The following SPATA3 variants were observed in gnomAD, a reference collection of about 807,000 sequenced individuals.
SPATA3 encodes spermatogenesis associated 3.
Under a neutral mutation model 5.7 loss-of-function variants are expected in SPATA3, and 6 were observed. The ratio of observed to expected loss-of-function variants is 1.06; its 90% CI spans 0.58 to 2.09. The LOEUF (loss-of-function observed/expected upper bound fraction) is 2.09. Among genes scored for constraint, SPATA3 ranks in the 30% most tolerant of loss-of-function variants. The pLI, the probability that SPATA3 is intolerant of heterozygous loss-of-function variation, is 0.00. For missense variants in SPATA3, 155 were observed against 130.4 expected, an observed-to-expected ratio of 1.19 and a Z score of -0.92; for synonymous variants, 44 against 48.4, an observed-to-expected ratio of 0.91 and a Z score of 0.37.
At chr2:231,002,253 A>C (rs987370381) in intron 2 of SPATA3, among the ~76,000 whole-genome samples, 4 of 152,188 alleles carry the variant, frequency 2.6e-5, no homozygotes, top group Non-Finnish European at 4.4e-5. Flanking sequence ...TTATTGCCTT[A>C]GTCATGTTTT....
chr2:231,004,963 C>T (rs531800004), downstream of SPATA3, among the ~76,000 whole-genome samples: 1 of 149,044 alleles, frequency 6.7e-6, no homozygotes, highest in Non-Finnish European at 1.5e-5. Flanking sequence ...TCACCATCAT[C>T]CTCATCACCA....
downstream of SPATA3, among the ~76,000 whole-genome samples, chr2:231,011,242 G>C (rs1390009132): frequency 6.6e-6 from 1 of 152,116 alleles, no homozygotes; most frequent in African/African-American, 2.4e-5. Context: ...AGCCTCCCGA[G>C]TAGCTGGGAT....
intron 2 of SPATA3, 135 bp from the exon 3 acceptor site, chr2:231,002,548 TA>T: frequency 3.9e-6 from 2 of 516,298 alleles, no homozygotes; most frequent in South Asian, 3.5e-5. Context: ...AATGCTCTCC[TA>T]AGAGGAGTTT....
intron 2 of SPATA3, among the ~76,000 whole-genome samples, chr2:231,001,417 G>C (rs1182590332): frequency 2.0e-5 from 3 of 151,302 alleles, no homozygotes; most frequent in Admixed American, 2.0e-4. Flanking sequence ...TCCTTGTCCT[G>C]TTCCTCTTCC....
chr2:231,006,285 A>G (rs1692621844), downstream of SPATA3, among the ~76,000 whole-genome samples: 1 of 151,180 alleles, frequency 6.6e-6, no homozygotes, highest in South Asian at 2.1e-4. Context: ...GCAGATCACA[A>G]GGTCAGGAGA....
downstream of SPATA3, among the ~76,000 whole-genome samples, chr2:231,008,543 C>T (rs1692704259): frequency 6.6e-6 from 1 of 150,816 alleles, no homozygotes; most frequent in African/African-American, 2.4e-5. Context: ...GGAGCCCATT[C>T]CCCACCCCTC....
At chr2:230,998,973 A>T (rs186198744) in intron 1 of SPATA3, among the ~76,000 whole-genome samples, 83 of 152,380 alleles carry the variant, frequency 5.4e-4, no homozygotes, top group Non-Finnish European at 1.1e-3. Context: ...ATAGCCAAAA[A>T]GTGGGAACAA....
chr2:231,007,583 G>A (rs945969213), downstream of SPATA3, among the ~76,000 whole-genome samples: 1 of 152,230 alleles, frequency 6.6e-6, no homozygotes, highest in Non-Finnish European at 1.5e-5. Context: ...CCAGTTACTG[G>A]GAATAGGAGG....
At chr2:231,012,196 C>T (rs1419485498), downstream of SPATA3, among the ~76,000 whole-genome samples, 1 of 152,194 alleles carries the variant, frequency 6.6e-6, no homozygotes. Context: ...GATCCAGGCT[C>T]AGACTCCTCC....
exon 2 of SPATA3, chr2:231,000,435 G>T (rs34331707): frequency 3.2e-6 from 5 of 1,547,722 alleles, no homozygotes; most frequent in Non-Finnish European, 4.4e-6. Flanking sequence ...GCTTGCTGGC[G>T]TCGTCTGGGG....
chr2:231,019,409 C>T (rs915238551), intron 6 of SPATA3, among the ~76,000 whole-genome samples: 35 of 149,992 alleles, frequency 2.3e-4, no homozygotes, highest in African/African-American at 7.6e-4. Flanking sequence ...CTGCAAGCTC[C>T]GCCTCCCGGG....
downstream of SPATA3, among the ~76,000 whole-genome samples, chr2:231,006,201 G>GAAA (rs34214730): frequency 2.4e-4 from 25 of 104,038 alleles, 1 homozygote; most frequent in African/African-American, 6.4e-4. Flanking sequence ...CCTGTCTCAA[G>GAAA]AAAAAAAAAA....
At chr2:231,002,773 G>A in exon 3 of SPATA3, 3 of 1,517,526 alleles carry the variant, frequency 2.0e-6, no homozygotes, top group South Asian at 1.3e-5. Context: ...TCTAGGAGCT[G>A]CCTACTACAT....
At chr2:230,996,125 G>T (rs1692106713) in intron 1 of SPATA3, 1 of 1,215,960 alleles carries the variant, frequency 8.2e-7, no homozygotes, top group Non-Finnish European at 1.1e-6. Flanking sequence ...GGGTCCAGCT[G>T]GAGGCCCAAG....
intron 5 of SPATA3, chr2:231,013,817 GGTTA>G (rs531393914): frequency 6.6e-6 from 1 of 150,610 alleles, no homozygotes; most frequent in African/African-American, 2.4e-5. Context: ...TAACTTTTTT[GGTTA>G]GTTAATATCA....
chr2:230,999,467 A>T (rs2125095184), intron 1 of SPATA3: 1 of 152,330 alleles, frequency 6.6e-6, no homozygotes, highest in East Asian at 1.9e-4. Context: ...ATTCCGGGAA[A>T]GTACGTGTCG....
At chr2:231,006,318 G>A (rs955302750), downstream of SPATA3, among the ~76,000 whole-genome samples, 19 of 151,122 alleles carry the variant, frequency 1.3e-4, no homozygotes, top group African/African-American at 3.4e-4. Flanking sequence ...TGGCCAACAC[G>A]GTGAAACCCC....
chr2:231,000,537 G>T (rs571151540), exon 2 of SPATA3: 2 of 1,518,372 alleles, frequency 1.3e-6, no homozygotes, highest in South Asian at 1.2e-5. Flanking sequence ...ACCTTCTACA[G>T]GTTCCAAGCG....
At chr2:230,996,184 G>A (rs750650036) in intron 1 of SPATA3, 1 of 1,506,574 alleles carries the variant, frequency 6.6e-7, no homozygotes, top group South Asian at 1.3e-5. Context: ...AGGGAGCCGG[G>A]AGATTACGCA....
Sources: allele counts gnomAD v4.1 joint callset (sites outside exome capture counted in the v4.1 genomes callset), GRCh38; gene constraint gnomAD v4.1.1; transcripts MANE v1.5; gene names NCBI Gene and HGNC (gene_info 2026-07-23, HGNC 2026-07-21).